Variants in MTMR2 observed in about 807,000 individuals in gnomAD.
MTMR2 encodes myotubularin related protein 2.
A neutral mutation model predicts 86.9 loss-of-function variants in MTMR2; 55 were observed. That is an observed-to-expected ratio of 0.63 (90% CI 0.51 to 0.79). The LOEUF is 0.79. Among genes scored for constraint, MTMR2 ranks in the 30% least tolerant of loss-of-function variants. The pLI is 0.00. For synonymous variants in MTMR2, 241 were observed against 266.8 expected (o/e 0.90, Z 0.94); for missense variants, 659 against 772.3 (o/e 0.85, Z 1.74).
chr11:95,893,146 C>G (rs376411298), intron 1 of MTMR2, among the ~76,000 whole-genome samples: 5 of 152,220 alleles, frequency 3.3e-5, no homozygotes, highest in African/African-American at 1.2e-4. Context: ...GCATTTCTTT[C>G]TACTCCAAAG....
chr11:95,869,210 G>A (rs1022356926), intron 2 of MTMR2, among the ~76,000 whole-genome samples: 1 of 142,836 alleles, frequency 7.0e-6, no homozygotes, highest in Non-Finnish European at 1.5e-5. Context: ...GCACCATAAA[G>A]AGATTTGCAA....
rs1404917962 is a variant in MTMR2 at position 95,865,513 on chromosome 11, G to A, written c.262+88C>T. 28 of 1,222,044 alleles carry A rather than the reference G, an allele frequency of 2.3e-5. No homozygotes were observed. In the East Asian group the frequency reaches 6.3e-4, roughly 27 times the overall value. The allele number at this position is 1,222,044 out of a possible 1,614,324, so 75.7% of individuals were successfully genotyped here. On this transcript the variant is annotated intron_variant, in intron 3 of 14. Transcript: ENST00000346299. ...TGCCAGACAGGAGGTGTCTCTGACAGCCAGTTTATTCTCTGTATGCTGAGA... is the reference window on the plus strand; with the variant it reads ...TGCCAGACAGGAGGTGTCTCTGACAACCAGTTTATTCTCTGTATGCTGAGA...
Position 95,835,339 on chromosome 11 carries a change from C to G in MTMR2, c.1883G>C (p.Arg628Thr), listed in dbSNP as rs769463935. The change falls in exon 15 of 15, where the codon AGA becomes ACA. Residue 628 changes from arginine (R) to threonine (T), a missense_variant. Arg to Thr is a moderately conservative substitution (Grantham distance 71). Transcript: ENST00000346299. The stretch of plus-strand genomic sequence containing the variant: ...GACACACTGTGCAGGAGAGCTGGCT[C>G]TCTCTGAGGATGAGGTTGATCGGTT... ...ISNRSTSSSE[R>T]ASSPAQCVTP... The G allele has an allele frequency of 8.1e-6, 13 of 1,612,976 alleles. No homozygotes were observed. In the South Asian group the frequency reaches 1.3e-4, roughly 16 times the overall value.
Position 95,841,666 on chromosome 11 carries a change from G to T in MTMR2, c.1430C>A (p.Ser477Ter), listed in dbSNP as rs1235004963. 1.2e-6 allele frequency: 2 copies of T among 1,613,714 alleles called. No homozygotes were observed. The highest frequency in any genetic ancestry group is 3.3e-5 in the Admixed American group (2 of 59,986). ...GTCAATAAATTGAAGAAAAACAGGC[G>T]ATCTGTCTGCATCTGCATGGTTCTT... The part of the protein sequence containing the change: ...GDKNHADADR[S>*]PVFLQFIDCV... The change falls in exon 12 of 15, where the codon TCG becomes TAG. Residue 477 changes from serine (S) to a stop codon, truncating the protein, a stop_gained. Coordinates refer to ENST00000346299, the MANE Select transcript of MTMR2 (RefSeq NM_016156.6). LOFTEE classifies it high-confidence loss of function.
At chr11:95,855,504 G>A (rs1325628814) in intron 7 of MTMR2, among the ~76,000 whole-genome samples, 4 of 151,968 alleles carry the variant, frequency 2.6e-5, no homozygotes, top group Non-Finnish European at 4.4e-5. Flanking sequence ...TGCCTGCCTC[G>A]GCCTCCCAAA....
intron 1 of MTMR2, among the ~76,000 whole-genome samples, chr11:95,920,211 T>C (rs767682054): frequency 6.6e-6 from 1 of 152,258 alleles, no homozygotes; most frequent in South Asian, 2.1e-4. Flanking sequence ...GGGATAGATA[T>C]ACATGAAGAA....
chr11:95,844,625 C>A (rs1863692836), intron 11 of MTMR2, among the ~76,000 whole-genome samples: 1 of 152,094 alleles, frequency 6.6e-6, no homozygotes, highest in Non-Finnish European at 1.5e-5. Context: ...TTACAGACAG[C>A]ATCTGGGTAA....
chr11:95,850,847 C>A, intron 7 of MTMR2, 98 bp from the exon 8 acceptor site: 2 of 1,099,148 alleles, frequency 1.8e-6, no homozygotes, highest in African/African-American at 1.5e-5. Flanking sequence ...CTGACCTCTA[C>A]TATCCATCTC....
chr11:95,857,669 A>G, intron 6 of MTMR2, 34 bp from the exon 7 acceptor site: 1 of 1,360,956 alleles, frequency 7.3e-7, no homozygotes, highest in Non-Finnish European at 1.0e-6. Context: ...AGAGCTAAAA[A>G]AGATATTCAC....
chr11:95,905,308 TACAC>T (rs1431917105), intron 1 of MTMR2, among the ~76,000 whole-genome samples: 3 of 139,506 alleles, frequency 2.2e-5, no homozygotes, highest in East Asian at 2.1e-4. Flanking sequence ...GTGATATTCT[TACAC>T]ACACACGCAC....
At chr11:95,871,607 T>G (rs1183330662) in intron 2 of MTMR2, among the ~76,000 whole-genome samples, 1 of 152,230 alleles carries the variant, frequency 6.6e-6, no homozygotes, top group African/African-American at 2.4e-5. Flanking sequence ...TAAATTTGTT[T>G]GAGTTCATTG....
intron 5 of MTMR2, among the ~76,000 whole-genome samples, chr11:95,859,466 T>C (rs990234347): frequency 1.1e-4 from 17 of 152,172 alleles, no homozygotes; most frequent in African/African-American, 4.1e-4. Flanking sequence ...TTCCAACACT[T>C]TGGGTGGACA....
intron 1 of MTMR2, among the ~76,000 whole-genome samples, chr11:95,892,753 T>C (rs1292548636): frequency 6.6e-6 from 1 of 152,188 alleles, no homozygotes; most frequent in Non-Finnish European, 1.5e-5. Context: ...GTCCAAGCCT[T>C]TCTTCAACTA....
intron 2 of MTMR2, among the ~76,000 whole-genome samples, chr11:95,883,124 A>C (rs1205925826): frequency 2.6e-5 from 4 of 152,024 alleles, no homozygotes; most frequent in Non-Finnish European, 5.9e-5. Flanking sequence ...TCACAAAGGA[A>C]AGGAACTACT....
At chr11:95,851,394 G>A (rs612596) in intron 7 of MTMR2, among the ~76,000 whole-genome samples, 41,991 of 149,614 alleles carry the variant, frequency 0.28, 7,038 homozygotes, top group Non-Finnish European at 0.38. Flanking sequence ...ACAGAGTTTC[G>A]CTCTTGTTGC....
intron 1 of MTMR2, among the ~76,000 whole-genome samples, chr11:95,922,426 T>A (rs1045975940): frequency 6.6e-6 from 1 of 152,160 alleles, no homozygotes; most frequent in African/African-American, 2.4e-5. Flanking sequence ...CAACTGAACA[T>A]GTTAATCCTC....
chr11:95,873,276 A>C (rs1418994591), intron 2 of MTMR2, among the ~76,000 whole-genome samples: 3 of 152,130 alleles, frequency 2.0e-5, no homozygotes, highest in Non-Finnish European at 2.9e-5. Context: ...TTATTGCCTC[A>C]ATTTCAGAGC....
rs748901232 is a variant in MTMR2 at position 95,923,923 on chromosome 11, C to G, written c.32G>C (p.Gly11Ala). MEKSSSCESL[G>A]SQPAAARPPS... ...CGGCCGAGCCGCCGCCGGCTGGGAGCCAAGACTCTCGCAGCTCGAGCTCTT... is the reference window on the plus strand; with the variant it reads ...CGGCCGAGCCGCCGCCGGCTGGGAGGCAAGACTCTCGCAGCTCGAGCTCTT... Residue 11 changes from glycine (G) to alanine (A), a missense_variant, in exon 1 of 15, where the codon GGC becomes GCC. Physicochemically the swap from Gly to Ala is moderately conservative, Grantham distance 60. Coordinates refer to ENST00000346299, the MANE Select transcript of MTMR2 (RefSeq NM_016156.6). 1 of 1,561,364 alleles carries G rather than the reference C, an allele frequency of 6.4e-7. No individual in the cohort carries two copies. Among genetic ancestry groups the G allele is most frequent in the Non-Finnish European group, 8.7e-7 (1 of 1,152,326 alleles).
At chr11:95,913,521 G>A (rs184953883) in intron 1 of MTMR2, among the ~76,000 whole-genome samples, 20 of 152,166 alleles carry the variant, frequency 1.3e-4, no homozygotes, top group Admixed American at 9.8e-4. Context: ...GAATGTCCAC[G>A]CTGAAACCTA....
Sources: allele counts gnomAD v4.1 joint callset (sites outside exome capture counted in the v4.1 genomes callset), GRCh38; gene constraint gnomAD v4.1.1; transcripts MANE v1.5; gene names NCBI Gene and HGNC (gene_info 2026-07-23, HGNC 2026-07-21).